Variants in PCDH15 observed in about 807,000 individuals in gnomAD.
PCDH15 encodes the protein protocadherin related 15, also known as protocadherin-15.
In PCDH15, 129 loss-of-function variants were observed where a neutral mutation model predicts 178.5. The observed-to-expected ratio is 0.72, with a 90% CI of 0.63 to 0.84. PCDH15 has a LOEUF of 0.84. Among genes scored for constraint, PCDH15 ranks in the 40% least tolerant of loss-of-function variants. The probability of loss-of-function intolerance (pLI) is 0.00; values close to 1 mark genes in which losing one functional copy is unlikely to be tolerated. For missense variants in PCDH15, 2,230 were observed against 2,099.9 expected, an observed-to-expected ratio of 1.06 and a Z score of -1.21; for synonymous variants, 800 against 732.0, an observed-to-expected ratio of 1.09 and a Z score of -1.50.
intron 1 of PCDH15, among the ~76,000 whole-genome samples, chr10:54,759,588 G>A (rs1947597315): frequency 1.3e-5 from 2 of 152,268 alleles, no homozygotes; most frequent in African/African-American, 2.4e-5. Flanking sequence ...TCAAGGCCAT[G>A]CCTGGGAGCA....
rs76087419 is a variant in PCDH15, at chr10:55,527,418, T to C, written c.-156+100207A>G. Among the ~76,000 whole-genome samples the C allele has an allele frequency of 4.8e-3, 723 of 152,156 alleles. 6 individuals are homozygous for C. The highest frequency in any genetic ancestry group is 0.017 in the African/African-American group (689 of 41,542). ...TAGCATTCTTCCTATGGAGTGTCTA[T>C]GTCCAAAGTACTCCTTTTTTAAAAA... is the stretch of plus-strand genomic sequence containing the variant. On this transcript the variant is annotated intron_variant, in intron 2 of 5. Transcript: ENST00000613346.
At chr10:54,047,530 A>G (rs2093680690) in intron 18 of PCDH15, among the ~76,000 whole-genome samples, 2 of 151,942 alleles carry the variant, frequency 1.3e-5, no homozygotes, top group South Asian at 2.1e-4. Flanking sequence ...ATAGTACCCA[A>G]TGGTTGTTTT....
intron 2 of PCDH15, among the ~76,000 whole-genome samples, chr10:54,942,251 A>G (rs895861946): frequency 6.6e-6 from 1 of 151,894 alleles, no homozygotes; most frequent in African/African-American, 2.4e-5. Context: ...TGTGTTGTTC[A>G]TTAGGAACCA....
At chr10:55,503,987 G>C (rs1460954365) in intron 2 of PCDH15, among the ~76,000 whole-genome samples, 1 of 151,452 alleles carries the variant, frequency 6.6e-6, no homozygotes, top group Non-Finnish European at 1.5e-5. Context: ...AAACTATACA[G>C]AATGTAAAAG....
chr10:54,260,086 T>C lies in PCDH15; in HGVS notation c.877-23155A>G, dbSNP rs183470528. On this transcript the variant is annotated intron_variant, in intron 8 of 37. Coordinates refer to ENST00000644397, the MANE Select transcript of PCDH15 (RefSeq NM_001384140.1). The stretch of plus-strand genomic sequence containing the variant: ...TCATTTTGAGAAATCAGTACTCATG[T>C]AATGACGGTAATGGTATTTATCGTA... 2.4e-3 allele frequency among the ~76,000 whole-genome samples: 372 copies of C among 152,314 alleles called. 4 individuals carry two copies. Among genetic ancestry groups the C allele is most frequent in the Non-Finnish European group, 1.9e-3 (130 of 68,016 alleles).
At chr10:53,880,365 C>T (rs575990276) in intron 26 of PCDH15, among the ~76,000 whole-genome samples, 113 of 152,198 alleles carry the variant, frequency 7.4e-4, no homozygotes, top group South Asian at 2.5e-3. Flanking sequence ...ACAGGGTTCA[C>T]GAAGCAAACT....
At position 54,338,880 on chromosome 10, in the gene PCDH15, T is replaced by A. The variant is rs549973048; in HGVS notation, c.594+7485A>T. 1.9e-3 allele frequency among the ~76,000 whole-genome samples: 269 copies of A among 138,952 alleles called. 2 individuals carry two copies. The highest frequency in any genetic ancestry group is 1.3e-3 in the South Asian group (6 of 4,538). 91.2% of individuals were successfully genotyped at this position (138,952 alleles called of 152,430 possible). On this transcript the variant is annotated intron_variant, in intron 6 of 37. Transcript: ENST00000644397. ...TCTGGCATTAAAATAAAAAAAAAGA[T>A]CAAAAAGACATGATAATTATTGTCT...
intron 2 of PCDH15, among the ~76,000 whole-genome samples, chr10:54,591,104 G>A (rs901035017): frequency 6.6e-6 from 1 of 152,090 alleles, no homozygotes; most frequent in African/African-American, 2.4e-5. Flanking sequence ...CCAAATGCCC[G>A]AAGCCCCTAG....
intron 1 of PCDH15, among the ~76,000 whole-genome samples, chr10:54,726,032 CCT>C: frequency 6.6e-6 from 1 of 151,704 alleles, no homozygotes; most frequent in East Asian, 1.9e-4. Context: ...CATAGCTCTG[CCT>C]CTCTAAAAAG....
At chr10:54,754,291 A>T (rs1008976038) in intron 1 of PCDH15, among the ~76,000 whole-genome samples, 1 of 152,184 alleles carries the variant, frequency 6.6e-6, no homozygotes, top group Admixed American at 6.5e-5. Flanking sequence ...CAGATACTGC[A>T]ATCAACGAAC....
intron 2 of PCDH15, among the ~76,000 whole-genome samples, chr10:54,532,259 T>TACAACTCATC (rs2084005840): frequency 6.6e-6 from 1 of 152,176 alleles, no homozygotes; most frequent in Non-Finnish European, 1.5e-5. Flanking sequence ...TTTGGCCATC[T>TACAACTCATC]ACAACTCATC....
chr10:54,671,115 T>C (rs550183890), intron 1 of PCDH15, among the ~76,000 whole-genome samples: 2 of 152,104 alleles, frequency 1.3e-5, no homozygotes, highest in African/African-American at 2.4e-5. Flanking sequence ...GCCCAAACAT[T>C]ATTTCATCAG....
At chr10:53,993,911 T>C (rs2091683083) in intron 21 of PCDH15, among the ~76,000 whole-genome samples, 1 of 152,220 alleles carries the variant, frequency 6.6e-6, no homozygotes, top group Non-Finnish European at 1.5e-5. Context: ...ATGGAATGAC[T>C]GGCATCCACT....
chr10:54,381,333 T>C (rs1195767622), intron 3 of PCDH15, among the ~76,000 whole-genome samples: 1 of 152,090 alleles, frequency 6.6e-6, no homozygotes, highest in Non-Finnish European at 1.5e-5. Context: ...TGACTGTATC[T>C]TTCCACACAT....
chr10:54,569,002 C>G (rs1184850184), intron 2 of PCDH15, among the ~76,000 whole-genome samples: 1 of 151,668 alleles, frequency 6.6e-6, no homozygotes, highest in African/African-American at 2.4e-5. Context: ...AAGGAATAAT[C>G]TATAAAAATT....
intron 2 of PCDH15, among the ~76,000 whole-genome samples, chr10:54,637,433 T>C (rs1243448878): frequency 6.6e-6 from 1 of 151,982 alleles, no homozygotes; most frequent in African/African-American, 2.4e-5. Flanking sequence ...AAAATCCATT[T>C]ATTTGTCTGC....
intron 9 of PCDH15, among the ~76,000 whole-genome samples, chr10:54,214,349 AT>A (rs981904060): frequency 3.3e-5 from 5 of 152,066 alleles, no homozygotes; most frequent in Non-Finnish European, 7.4e-5. Flanking sequence ...GGGAGAGTAA[AT>A]TTTTTATTAT....
intron 26 of PCDH15, among the ~76,000 whole-genome samples, chr10:53,896,034 C>T (rs745998100): frequency 6.6e-6 from 1 of 152,048 alleles, no homozygotes; most frequent in Non-Finnish European, 1.5e-5. Context: ...CCCAAAAGTG[C>T]AATAAGAAAT....
chr10:54,430,602 A>G (rs1956849484), intron 3 of PCDH15, among the ~76,000 whole-genome samples: 1 of 152,156 alleles, frequency 6.6e-6, no homozygotes, highest in South Asian at 2.1e-4. Flanking sequence ...AAAACCTATG[A>G]TATAACAAAA....
Sources: allele counts gnomAD v4.1 joint callset (sites outside exome capture counted in the v4.1 genomes callset), GRCh38; gene constraint gnomAD v4.1.1; transcripts MANE v1.5; gene names NCBI Gene and HGNC (gene_info 2026-07-23, HGNC 2026-07-21).